LINGO2: variants seen among roughly 807,000 people sequenced by gnomAD.
LINGO2 encodes the protein leucine-rich repeat and immunoglobulin-like domain-containing nogo receptor-interacting protein 2.
Under a neutral mutation model 30.6 loss-of-function variants are expected in LINGO2, and 14 were observed. The ratio of observed to expected loss-of-function variants is 0.46; its 90% CI spans 0.30 to 0.72. The LOEUF is 0.72. Ranked by LOEUF, LINGO2 falls within the 30% of genes least tolerant of loss-of-function variation. The pLI is 0.07. For synonymous variants in LINGO2, 317 were observed against 288.5 expected (o/e 1.10, Z -1.00); for missense variants, 729 against 751.7 (o/e 0.97, Z 0.35).
chr9:29,186,899 T>C, the LINGO2 span, among the ~76,000 whole-genome samples: 3 of 152,224 alleles, frequency 2.0e-5, no homozygotes, highest in South Asian at 2.1e-4. Flanking sequence ...ACCATAAAAA[T>C]GGCAAATTGT....
chr9:28,413,204 C>T (rs924759955), intron 2 of LINGO2, among the ~76,000 whole-genome samples: 5 of 152,082 alleles, frequency 3.3e-5, no homozygotes, highest in African/African-American at 4.8e-5. Context: ...TGCAGATTTT[C>T]GACTGTGCAG....
At chr9:28,590,445 A>G (rs1003581035) in intron 1 of LINGO2, among the ~76,000 whole-genome samples, 1 of 152,084 alleles carries the variant, frequency 6.6e-6, no homozygotes, top group Non-Finnish European at 1.5e-5. Context: ...CAATGAACTC[A>G]AACAAATTTA....
In LINGO2 at chr9:28,082,174, G is replaced by A. The variant is rs147549110; in HGVS notation, c.-86-69769C>T. On this transcript the variant is annotated intron_variant, in intron 4 of 5. Coordinates refer to ENST00000379992, the Ensembl canonical transcript of LINGO2. ...ACCTTGGATTTTGAAGCCCATCAAA[G>A]GCAAAACAAAACAAAACAAAAATCA... 8.6e-5 allele frequency among the ~76,000 whole-genome samples: 13 copies of A among 151,726 alleles called. No individual in the cohort carries two copies. The East Asian group carries it at 2.5e-3, about 29-fold the overall frequency.
intron 4 of LINGO2, among the ~76,000 whole-genome samples, chr9:28,051,603 C>T (rs1054587714): frequency 2.6e-5 from 4 of 152,058 alleles, no homozygotes; most frequent in African/African-American, 9.7e-5. Context: ...ATTTCACTTA[C>T]GATCTCATTC....
In LINGO2 at chr9:28,130,057, G is replaced by A. The variant is rs961834113; in HGVS notation, c.-86-117652C>T. On this transcript the variant is annotated intron_variant, in intron 4 of 5. Coordinates refer to ENST00000379992, the Ensembl canonical transcript of LINGO2. This position sits in a 1 kb window ranked among gnomAD's most constrained non-coding sequence, Gnocchi z 5.2. ...TTCAGACTACTTCATATGTTTCAGC[G>A]TCTCATGAATATAGTTATTGATCTT... 7.9e-5 allele frequency among the ~76,000 whole-genome samples: 12 copies of A among 152,110 alleles called. No homozygotes were observed. Among genetic ancestry groups the A allele is most frequent in the South Asian group, 2.1e-4 (1 of 4,830 alleles).
At chr9:28,758,508 C>T in the LINGO2 span, among the ~76,000 whole-genome samples, 1 of 152,026 alleles carries the variant, frequency 6.6e-6, no homozygotes, top group South Asian at 2.1e-4. Context: ...TAAACCAATA[C>T]AGTGTGGTTT....
intron 1 of LINGO2, among the ~76,000 whole-genome samples, chr9:28,556,050 G>T (rs1346005782): frequency 6.6e-6 from 1 of 152,042 alleles, no homozygotes; most frequent in African/African-American, 2.4e-5. Flanking sequence ...TACTGAATGG[G>T]CAAAAACTGG....
the LINGO2 span, among the ~76,000 whole-genome samples, chr9:29,190,996 A>G: frequency 6.6e-6 from 1 of 152,318 alleles, no homozygotes; most frequent in South Asian, 2.1e-4. Flanking sequence ...ATATTTATTG[A>G]GTGTCAATTT....
At chr9:27,992,049 G>T (rs552786201) in intron 5 of LINGO2, among the ~76,000 whole-genome samples, 2 of 151,946 alleles carry the variant, frequency 1.3e-5, no homozygotes, top group Admixed American at 1.3e-4. Flanking sequence ...GTATTCGGAC[G>T]CATTTCTCCA....
chr9:29,163,456 G>T, the LINGO2 span, among the ~76,000 whole-genome samples: 2 of 152,182 alleles, frequency 1.3e-5, no homozygotes, highest in African/African-American at 4.8e-5. Flanking sequence ...AGGAAAAAGA[G>T]ATTAGAGTCT....
At chr9:28,292,565 C>T (rs774146485) in intron 4 of LINGO2, among the ~76,000 whole-genome samples, 20 of 151,870 alleles carry the variant, frequency 1.3e-4, no homozygotes, top group Non-Finnish European at 2.6e-4. Flanking sequence ...TGGGTTCAAG[C>T]GATTCTCCTG....
At chr9:28,431,302 A>G (rs889350494) in intron 2 of LINGO2, among the ~76,000 whole-genome samples, 6 of 152,298 alleles carry the variant, frequency 3.9e-5, no homozygotes, top group Middle Eastern at 3.4e-3. Context: ...AAGCTATTTG[A>G]GAGCTGAAAC....
rs200993645 is a variant in LINGO2, at chr9:28,631,963, T to C, written c.-365+38237A>G. Reference sequence around the variant, plus strand: ...TAAACTGATAATAAGACAGAGTCTATACATTCCTAAAGATCATAGGTTTGG... The same window carrying C: ...TAAACTGATAATAAGACAGAGTCTACACATTCCTAAAGATCATAGGTTTGG... On this transcript the variant is annotated intron_variant, in intron 1 of 5. Transcript: ENST00000379992. 2.8e-4 allele frequency among the ~76,000 whole-genome samples: 42 copies of C among 152,300 alleles called. No individual in the cohort carries two copies. The East Asian group carries it at 7.1e-3, about 26-fold the overall frequency.
At chr9:28,016,177 A>C (rs1474552236) in intron 4 of LINGO2, among the ~76,000 whole-genome samples, 2 of 152,114 alleles carry the variant, frequency 1.3e-5, no homozygotes, top group African/African-American at 2.4e-5. Flanking sequence ...GAATAATCTC[A>C]GGGTAATTGC....
At chr9:28,626,142 T>C (rs1371422832) in intron 1 of LINGO2, among the ~76,000 whole-genome samples, 1 of 152,172 alleles carries the variant, frequency 6.6e-6, no homozygotes, top group Non-Finnish European at 1.5e-5. Flanking sequence ...TTTATCTCAC[T>C]GTCTTTAACT....
At chr9:28,927,173 C>G in the LINGO2 span, among the ~76,000 whole-genome samples, 2 of 152,170 alleles carry the variant, frequency 1.3e-5, no homozygotes, top group Non-Finnish European at 2.9e-5. Context: ...AATAGTGCCC[C>G]AAACCATAAA....
chr9:29,082,434 A>G, the LINGO2 span, among the ~76,000 whole-genome samples: 2 of 152,192 alleles, frequency 1.3e-5, no homozygotes, highest in Non-Finnish European at 2.9e-5. Flanking sequence ...TTAATTCAAG[A>G]TGGCTTAAAG....
chr9:28,530,273 A>G (rs1821181405), intron 1 of LINGO2, among the ~76,000 whole-genome samples: 1 of 152,124 alleles, frequency 6.6e-6, no homozygotes. Context: ...TTAGATTATA[A>G]CAATACATCA....
chr9:28,341,541 G>A (rs934090377), intron 3 of LINGO2, among the ~76,000 whole-genome samples: 1 of 151,998 alleles, frequency 6.6e-6, no homozygotes, highest in Non-Finnish European at 1.5e-5. Flanking sequence ...TAAAGCACAT[G>A]GGAAAAAATA....
Sources: gnomAD v4.1 joint callset for allele counts (sites outside exome capture counted in the v4.1 genomes callset) on GRCh38, gnomAD v4.1.1 for gene constraint, Gnocchi (gnomAD v3.1) non-coding constraint, MANE v1.5 for transcripts, NCBI Gene and HGNC (gene_info 2026-07-23, HGNC 2026-07-21) for gene names.